Variants in WDFY3 observed in about 807,000 individuals in gnomAD.
The protein encoded by WDFY3 is WD repeat and FYVE domain-containing protein 3.
Under a neutral mutation model 409.6 loss-of-function variants are expected in WDFY3, and 66 were observed. The ratio of observed to expected loss-of-function variants is 0.16; its 90% confidence interval spans 0.13 to 0.20. The LOEUF is 0.20. Ranked by LOEUF, WDFY3 falls within the 10% of genes least tolerant of loss-of-function variation. The pLI, the probability that WDFY3 is intolerant of heterozygous loss-of-function variation, is 1.00. For missense variants in WDFY3, 3,031 were observed against 4,298.1 expected (o/e 0.71, Z 8.24); for synonymous variants, 1,521 against 1,537.1 (o/e 0.99, Z 0.25).
chr4:84,959,762 T>C (rs1774688082), intron 1 of WDFY3, among the ~76,000 whole-genome samples: 1 of 152,192 alleles, frequency 6.6e-6, no homozygotes, highest in African/African-American at 2.4e-5. Flanking sequence ...CAGTTGGACA[T>C]ATCCCAGCAA....
chr4:84,728,836 T>TA (rs1192555467), intron 44 of WDFY3, among the ~76,000 whole-genome samples: 2 of 152,184 alleles, frequency 1.3e-5, no homozygotes, highest in Non-Finnish European at 2.9e-5. Context: ...TCCTTTTATT[T>TA]AAAAAAGCAT....
intron 26 of WDFY3, among the ~76,000 whole-genome samples, chr4:84,779,393 T>A (rs1364155620): frequency 6.6e-6 from 1 of 152,090 alleles, no homozygotes; most frequent in Admixed American, 6.6e-5. Context: ...ATTTTTTATC[T>A]AATTCTGACT....
rs564736209 is a variant in WDFY3, at chr4:84,903,917, G to A, written c.-131-6907C>T. Among the ~76,000 whole-genome samples the A allele has an allele frequency of 1.6e-4, 25 of 151,900 alleles. 1 individual carries two copies. In the South Asian group the frequency reaches 4.8e-3, roughly 29 times the overall value. ...TCTCTCTCCGTCCATCCATCCGCCC[G>A]CCTGCCTGCCCGCCTGCCTGCTATG... On this transcript the variant is annotated intron_variant, in intron 2 of 67. Transcript: ENST00000295888.
At chr4:84,735,657 A>G (rs950307331) in intron 42 of WDFY3, among the ~76,000 whole-genome samples, 3 of 152,184 alleles carry the variant, frequency 2.0e-5, no homozygotes, top group Non-Finnish European at 2.9e-5. Context: ...TGCTTCCTAG[A>G]AAACCTAACC....
chr4:84,736,718 G>C (rs192853893), intron 41 of WDFY3, among the ~76,000 whole-genome samples: 1 of 151,984 alleles, frequency 6.6e-6, no homozygotes, highest in African/African-American at 2.4e-5. Context: ...TGCCACCAGA[G>C]AATCTATGGT....
intron 2 of WDFY3, 121 bp from the exon 3 acceptor site, chr4:84,897,131 C>A (rs1203797272): frequency 6.6e-6 from 1 of 152,214 alleles, no homozygotes. Flanking sequence ...TGGTTGGATA[C>A]TGGAATCAAC....
chr4:84,802,670 C>T (rs1750817659), intron 16 of WDFY3, among the ~76,000 whole-genome samples: 1 of 152,146 alleles, frequency 6.6e-6, no homozygotes, highest in Non-Finnish European at 1.5e-5. Flanking sequence ...GTTAGGCAAA[C>T]ATGTCCTATT....
At chr4:84,845,824 G>A (rs942908812) in intron 5 of WDFY3, among the ~76,000 whole-genome samples, 1 of 151,684 alleles carries the variant, frequency 6.6e-6, no homozygotes, top group African/African-American at 2.4e-5. Context: ...TAACTGAGGA[G>A]ACACTCCAGA....
Position 84,821,545 on chromosome 4 carries a change from C to T in WDFY3, c.1130G>A (p.Ser377Asn), listed in dbSNP as rs760869367. ...AVPQPAGKGH[S>N]VRNVQAFAVL... Reference sequence around the variant, plus strand: ...TGCAAAGGCCTGGACGTTTCTCACACTGTGACCTAGAACAGAAAAGAAAAA... The same window carrying T: ...TGCAAAGGCCTGGACGTTTCTCACATTGTGACCTAGAACAGAAAAGAAAAA... Residue 377 changes from serine (S) to asparagine (N), a missense_variant, in exon 11 of 68, where the codon AGT becomes AAT. Ser to Asn is a conservative substitution (Grantham distance 46, BLOSUM62 1). Coordinates refer to ENST00000295888, the MANE Select transcript of WDFY3 (RefSeq NM_014991.6). 1.4e-5 allele frequency: 23 copies of T among 1,610,690 alleles called. 2 individuals are homozygous for T. The Middle Eastern group carries it at 8.3e-4, about 58-fold the overall frequency.
At position 84,798,009 on chromosome 4, in the gene WDFY3, T is replaced by A; in HGVS notation, c.2922A>T (p.Glu974Asp). The A allele has an allele frequency of 6.2e-7, 1 of 1,610,268 alleles. No individual in the cohort carries two copies. The highest frequency in any genetic ancestry group is 8.5e-7 in the Non-Finnish European group (1 of 1,178,642). Residue 974 changes from glutamate to aspartate, a missense_variant, in exon 18 of 68, where the codon GAA (glutamate) becomes GAT (aspartate). Around this residue, in one of 16 missense-constraint regions of WDFY3, gnomAD observed 1,322 missense variants for 1,697.9 expected, o/e 0.78. Transcript: ENST00000295888. The stretch of plus-strand genomic sequence containing the variant: ...TTCAAAACTTACTTCTCATTTCTGG[T>A]TCATAACTCAGTGAACTTGGTTTGT... Reference protein sequence around the residue: ...RVHKPSSLSYEPEMRSSMITS... With the variant: ...RVHKPSSLSYDPEMRSSMITS...
At chr4:84,882,733 G>C (rs1054215831) in intron 3 of WDFY3, among the ~76,000 whole-genome samples, 2 of 129,178 alleles carry the variant, frequency 1.5e-5, no homozygotes, top group African/African-American at 6.0e-5. Context: ...TTTTTTTTTT[G>C]AGACACAGTG....
chr4:84,895,319 A>G (rs940721568), intron 3 of WDFY3, among the ~76,000 whole-genome samples: 3 of 152,248 alleles, frequency 2.0e-5, no homozygotes, highest in Non-Finnish European at 4.4e-5. Context: ...TAAAAAATAA[A>G]GTGCTATGGA....
Position 84,786,157 on chromosome 4 carries a change from T to G in WDFY3, c.3902-18A>C. On this transcript the variant is annotated intron_variant, in intron 23 of 67. Transcript: ENST00000295888. ...ATCTTTACCTTCAAAAGAAGAATAATTCTTTTCAAAATCATCAGTAGTTCT... is the reference window on the plus strand; with the variant it reads ...ATCTTTACCTTCAAAAGAAGAATAAGTCTTTTCAAAATCATCAGTAGTTCT... 6.3e-7 allele frequency: 1 copy of G among 1,579,028 alleles called. No individual in the cohort carries two copies. Among genetic ancestry groups the G allele is most frequent in the Non-Finnish European group, 8.6e-7 (1 of 1,165,762 alleles).
At chr4:84,851,954 T>G (rs1348505383) in intron 4 of WDFY3, among the ~76,000 whole-genome samples, 1 of 152,178 alleles carries the variant, frequency 6.6e-6, no homozygotes, top group East Asian at 1.9e-4. Flanking sequence ...TAATATACTA[T>G]TCACAATTTC....
chr4:84,830,627 T>C (rs1203592530), intron 8 of WDFY3, among the ~76,000 whole-genome samples: 8 of 152,190 alleles, frequency 5.3e-5, no homozygotes, highest in Admixed American at 4.6e-4. Flanking sequence ...TATACAGACA[T>C]TTTAAAAGAT....
rs1290102449 is a variant in WDFY3 at position 84,966,338 on chromosome 4, G to T, written c.-355C>A. Reference sequence around the variant, plus strand: ...GGCGCGACGTCCGCGGCGGGGCCCGGGAGCCCCGCGCCGCGGGCCGGGGGC... The same window carrying T: ...GGCGCGACGTCCGCGGCGGGGCCCGTGAGCCCCGCGCCGCGGGCCGGGGGC... On this transcript the variant is annotated 5_prime_UTR_variant, in exon 1 of 68. Coordinates refer to ENST00000295888, the MANE Select transcript of WDFY3 (RefSeq NM_014991.6). 2 of 149,424 alleles carry T rather than the reference G, an allele frequency of 1.3e-5. No homozygotes were observed. The highest frequency in any genetic ancestry group is 3.0e-5 in the Non-Finnish European group (2 of 67,100). 9.3% of individuals were successfully genotyped at this position (149,424 alleles called of 1,614,324 possible).
chr4:84,739,712 T>C (rs1578314774), intron 39 of WDFY3, among the ~76,000 whole-genome samples: 1 of 152,212 alleles, frequency 6.6e-6, no homozygotes, highest in East Asian at 1.9e-4. Context: ...CTGGTCTTGC[T>C]TAGCTGTTTC....
Position 84,882,339 on chromosome 4 carries a change from G to A in WDFY3, c.-32+14572C>T, listed in dbSNP as rs78732330. Among the ~76,000 whole-genome samples, 1,280 of 152,214 alleles carry A rather than the reference G, an allele frequency of 8.4e-3. 24 individuals carry two copies. The highest frequency in any genetic ancestry group is 0.029 in the African/African-American group (1,206 of 41,550). On this transcript the variant is annotated intron_variant, in intron 3 of 67. Coordinates refer to ENST00000295888, the MANE Select transcript of WDFY3 (RefSeq NM_014991.6). ...ACCACTCCTTGAAGATGAATCTGGC[G>A]TGAGGTCAGTAATCTGTTTCTTTAT...
chr4:84,809,994 T>C lies in WDFY3; in HGVS notation c.2238A>G (p.Arg746=), dbSNP rs777790281. ...VFPSNTQPFQ[R]LLEEDVISIE... The stretch of plus-strand genomic sequence containing the variant: ...TTGAGATTACATCTTCCTCTAAAAG[T>C]CTTTGAAATGGCTGTGTATTTGAGG... The change falls in exon 14 of 68, where the codon AGA becomes AGG. Residue 746 remains arginine (R), a synonymous_variant. Transcript: ENST00000295888. The C allele has an allele frequency of 6.8e-6, 11 of 1,614,036 alleles. No homozygotes were observed. In the South Asian group the frequency reaches 1.1e-4, roughly 16 times the overall value.
Sources: gnomAD v4.1 joint callset for allele counts (sites outside exome capture counted in the v4.1 genomes callset) on GRCh38, gnomAD v4.1.1 for gene constraint, gnomAD v4.1.1 regional missense constraint, MANE v1.5 for transcripts, NCBI Gene and HGNC (gene_info 2026-07-23, HGNC 2026-07-21) for gene names.